Variants in RORA observed in about 807,000 individuals in gnomAD.
RORA encodes the protein RAR related orphan receptor A, also known as nuclear receptor ROR-alpha.
A neutral mutation model predicts 69.5 loss-of-function variants in RORA; 7 were observed. The observed-to-expected ratio is 0.10, with a 90% CI of 0.06 to 0.19. The LOEUF is 0.19. Among genes scored for constraint, RORA ranks in the 10% least tolerant of loss-of-function variants. The pLI, the probability that RORA is intolerant of heterozygous loss-of-function variation, is 1.00. For missense variants in RORA, 457 were observed against 663.0 expected, an observed-to-expected ratio of 0.69 and a Z score of 3.41; for synonymous variants, 261 against 240.8, an observed-to-expected ratio of 1.08 and a Z score of -0.78.
rs920518077 is a variant in RORA at position 60,784,623 on chromosome 15, T to A, written c.167-105937A>T. Among the ~76,000 whole-genome samples the A allele has an allele frequency of 3.3e-5, 5 of 152,188 alleles. No homozygotes were observed. In the East Asian group the frequency reaches 9.6e-4, roughly 29 times the overall value. On this transcript the variant is annotated intron_variant, in intron 1 of 10. Transcript: ENST00000335670. ...ACTGAATCCATAGTTGGATGTACAA[T>A]ATGGGTGAAATGCAAAGAACAGCTG...
intron 1 of RORA, among the ~76,000 whole-genome samples, chr15:61,093,275 C>G (rs1246988019): frequency 1.3e-5 from 2 of 152,212 alleles, no homozygotes. Context: ...TGTGTTCCTA[C>G]CAATATGAAC....
intron 1 of RORA, among the ~76,000 whole-genome samples, 191 bp downstream of exon 1, chr15:61,228,862 G>C (rs986070990): frequency 2.7e-5 from 4 of 150,400 alleles, no homozygotes; most frequent in African/African-American, 4.9e-5. Context: ...AGCCGAGAAC[G>C]GGCTGCAAAA....
At position 61,003,998 on chromosome 15, in the gene RORA, C is replaced by A. The variant is rs544648189; in HGVS notation, c.166+225055G>T. 2.9e-3 allele frequency among the ~76,000 whole-genome samples: 428 copies of A among 145,482 alleles called. 1 individual carries two copies. The highest frequency in any genetic ancestry group is 0.01 in the African/African-American group (411 of 39,918). On this transcript the variant is annotated intron_variant, in intron 1 of 10. Coordinates refer to ENST00000335670, the MANE Select transcript of RORA (RefSeq NM_134261.3). ...CTATGAGAAATCTTTTTTCATGGCC[C>A]AAAAAAAAAAATGTTTGAGGAACAA... is the stretch of plus-strand genomic sequence containing the variant.
At chr15:60,598,064 G>A (rs888694421) in intron 2 of RORA, among the ~76,000 whole-genome samples, 4 of 151,890 alleles carry the variant, frequency 2.6e-5, no homozygotes, top group African/African-American at 9.7e-5. Flanking sequence ...TTCACCATAC[G>A]TCAAATAAGG....
chr15:60,836,833 C>A (rs532674778), intron 1 of RORA, among the ~76,000 whole-genome samples: 37 of 152,272 alleles, frequency 2.4e-4, no homozygotes, highest in African/African-American at 5.3e-4. Context: ...TCAGCTCCCC[C>A]CTCTGCCCTC....
At chr15:60,804,655 A>G (rs2072635079) in intron 1 of RORA, among the ~76,000 whole-genome samples, 2 of 152,242 alleles carry the variant, frequency 1.3e-5, no homozygotes, top group Non-Finnish European at 2.9e-5. Context: ...AAGAAGGACT[A>G]CAAATATTTT....
intron 1 of RORA, among the ~76,000 whole-genome samples, chr15:60,957,773 A>G (rs73432090): frequency 0.021 from 3,150 of 152,298 alleles, 109 homozygotes; most frequent in African/African-American, 0.071. Flanking sequence ...CATAAAGAAG[A>G]TAGAGACTGT....
intron 2 of RORA, among the ~76,000 whole-genome samples, chr15:60,675,893 C>T (rs868714386): frequency 2.0e-5 from 3 of 152,064 alleles, no homozygotes; most frequent in East Asian, 1.9e-4. Flanking sequence ...ACAATCTCTC[C>T]GTGAGGGCAG....
intron 1 of RORA, among the ~76,000 whole-genome samples, chr15:61,127,814 C>T (rs577494152): frequency 6.6e-6 from 1 of 152,144 alleles, no homozygotes; most frequent in Admixed American, 6.5e-5. Flanking sequence ...TCCATTCACC[C>T]GTCCAGTTCT....
chr15:60,752,638 G>A (rs2071741505), intron 1 of RORA, among the ~76,000 whole-genome samples: 1 of 133,268 alleles, frequency 7.5e-6, no homozygotes, highest in Non-Finnish European at 1.5e-5. Flanking sequence ...CCCGCCTCGA[G>A]TTTATTTAAG....
chr15:60,865,633 C>T (rs2073478915), intron 1 of RORA, among the ~76,000 whole-genome samples: 1 of 152,156 alleles, frequency 6.6e-6, no homozygotes, highest in African/African-American at 2.4e-5. Context: ...TAAATCAAAT[C>T]AGTTACATTC....
chr15:60,539,189 G>A (rs2066779951), intron 2 of RORA, among the ~76,000 whole-genome samples: 1 of 152,332 alleles, frequency 6.6e-6, no homozygotes, highest in African/African-American at 2.4e-5. Context: ...AGAGAAAGCT[G>A]AGCTGTGTGT....
At chr15:61,107,359 T>C (rs997737792) in intron 1 of RORA, among the ~76,000 whole-genome samples, 1 of 152,228 alleles carries the variant, frequency 6.6e-6, no homozygotes, top group South Asian at 2.1e-4. Flanking sequence ...AGTACTTTTT[T>C]TATTTTTAAA....
intron 1 of RORA, among the ~76,000 whole-genome samples, chr15:60,682,867 TGTG>T (rs1242877736): frequency 1.3e-5 from 2 of 152,190 alleles, no homozygotes; most frequent in African/African-American, 2.4e-5. Flanking sequence ...TTGATAGAAT[TGTG>T]GTGAATGACG....
chr15:60,877,993 T>G (rs1041603786), intron 1 of RORA, among the ~76,000 whole-genome samples: 3 of 151,718 alleles, frequency 2.0e-5, no homozygotes, highest in African/African-American at 7.3e-5. Flanking sequence ...CCCACTGAAG[T>G]GAGTTTGGGC....
At chr15:60,628,503 C>T (rs2069652286) in intron 2 of RORA, among the ~76,000 whole-genome samples, 1 of 152,082 alleles carries the variant, frequency 6.6e-6, no homozygotes, top group African/African-American at 2.4e-5. Context: ...GTAGCTAGGA[C>T]CATAGGTATG....
At chr15:61,070,344 T>A (rs1429057302) in intron 1 of RORA, among the ~76,000 whole-genome samples, 1 of 152,216 alleles carries the variant, frequency 6.6e-6, no homozygotes, top group South Asian at 2.1e-4. Context: ...GACTCACTCA[T>A]GGCAAATGCC....
At chr15:60,643,788 C>T (rs1021782887) in intron 2 of RORA, among the ~76,000 whole-genome samples, 10 of 152,260 alleles carry the variant, frequency 6.6e-5, no homozygotes, top group Admixed American at 5.2e-4. Flanking sequence ...ACAGAGGCAG[C>T]CCTGAGGGGA....
intron 1 of RORA, among the ~76,000 whole-genome samples, chr15:61,143,317 C>T (rs1221353223): frequency 6.6e-6 from 1 of 151,820 alleles, no homozygotes; most frequent in Non-Finnish European, 1.5e-5. Context: ...TAAAAGCTGG[C>T]AAAATAATGG....
Sources: gnomAD v4.1 joint callset for allele counts (sites outside exome capture counted in the v4.1 genomes callset) on GRCh38, gnomAD v4.1.1 for gene constraint, MANE v1.5 for transcripts, NCBI Gene and HGNC (gene_info 2026-07-23, HGNC 2026-07-21) for gene names.